The following ZNF385D variants were observed in gnomAD, a reference collection of about 807,000 sequenced individuals.
ZNF385D encodes zinc finger protein 385D.
A neutral mutation model predicts 35.8 loss-of-function variants in ZNF385D; 15 were observed. That is an observed-to-expected ratio of 0.42 (90% confidence interval 0.28 to 0.64). The LOEUF is 0.64. ZNF385D is among the 30% of genes least tolerant of loss of function. The probability of loss-of-function intolerance (pLI) is 0.23; values close to 1 mark genes in which losing one functional copy is unlikely to be tolerated. For synonymous variants in ZNF385D, 212 were observed against 186.8 expected (o/e 1.13, Z -1.10); for missense variants, 474 against 494.6 (o/e 0.96, Z 0.39).
At chr3:21,584,440 G>C (rs1575251243) in intron 2 of ZNF385D, among the ~76,000 whole-genome samples, 1 of 152,236 alleles carries the variant, frequency 6.6e-6, no homozygotes, top group South Asian at 2.1e-4. Flanking sequence ...CTGCTGGCTG[G>C]ATAATGTGAC....
intron 3 of ZNF385D, among the ~76,000 whole-genome samples, chr3:21,528,786 G>T (rs1437022062): frequency 6.6e-6 from 1 of 152,080 alleles, no homozygotes; most frequent in Non-Finnish European, 1.5e-5. Flanking sequence ...CTCTAATCCT[G>T]GAGAAACAGA....
chr3:21,605,011 A>T (rs1260598219), intron 2 of ZNF385D, among the ~76,000 whole-genome samples: 3 of 152,316 alleles, frequency 2.0e-5, no homozygotes, highest in Non-Finnish European at 2.9e-5. Context: ...CACTAGAGAG[A>T]GGCATGAGAA....
chr3:21,799,484 AT>A (rs912661708), intron 3 of ZNF385D, among the ~76,000 whole-genome samples: 1 of 152,122 alleles, frequency 6.6e-6, no homozygotes, highest in Non-Finnish European at 1.5e-5. Flanking sequence ...TTCCGTCTTC[AT>A]TTGTATTTAC....
rs551298027 is a variant in ZNF385D at position 22,319,172 on chromosome 3, A to G, written c.106+53278T>C. Among the ~76,000 whole-genome samples, 18 of 152,244 alleles carry G rather than the reference A, an allele frequency of 1.2e-4. No homozygotes were observed. In the South Asian group the frequency reaches 3.1e-3, roughly 26 times the overall value. Reference sequence around the variant, plus strand: ...GATAGATTTTAGAAGCACATGGGGGAAAAATGCCAATACTACTTTTCAACC... The same window carrying G: ...GATAGATTTTAGAAGCACATGGGGGGAAAATGCCAATACTACTTTTCAACC... On this transcript the variant is annotated intron_variant, in intron 2 of 5. Coordinates refer to the ZNF385D transcript ENST00000494108.
At chr3:21,698,679 GGATATGAAC>G (rs371606665) in intron 1 of ZNF385D, among the ~76,000 whole-genome samples, 93 of 152,040 alleles carry the variant, frequency 6.1e-4, no homozygotes, top group African/African-American at 2.1e-3. Flanking sequence ...AATGGGCAAA[GGATATGAAC>G]TGACACTTCT....
intron 2 of ZNF385D, among the ~76,000 whole-genome samples, chr3:22,363,028 G>A (rs1696487185): frequency 6.6e-6 from 1 of 152,022 alleles, no homozygotes; most frequent in Non-Finnish European, 1.5e-5. Context: ...ATTATCCAGG[G>A]AAGTCCAACT....
chr3:21,783,840 A>G (rs570846270), intron 3 of ZNF385D, among the ~76,000 whole-genome samples: 17 of 152,330 alleles, frequency 1.1e-4, no homozygotes, highest in African/African-American at 4.1e-4. Flanking sequence ...AGGAAACATT[A>G]AACAGCTCAC....
At chr3:21,867,100 G>C (rs1224123611) in intron 3 of ZNF385D, among the ~76,000 whole-genome samples, 1 of 152,046 alleles carries the variant, frequency 6.6e-6, no homozygotes, top group African/African-American at 2.4e-5. Context: ...TGAGGGCCTT[G>C]CTGCATCATT....
chr3:21,617,462 G>A (rs1420869053), intron 2 of ZNF385D, among the ~76,000 whole-genome samples: 1 of 152,182 alleles, frequency 6.6e-6, no homozygotes, highest in Admixed American at 6.5e-5. Context: ...GTTAGTGATA[G>A]CTAACATTAC....
intron 3 of ZNF385D, among the ~76,000 whole-genome samples, chr3:21,994,283 G>T (rs1352206624): frequency 6.6e-6 from 1 of 152,184 alleles, no homozygotes; most frequent in African/African-American, 2.4e-5. Flanking sequence ...ATGATACAGG[G>T]AAAGTGATAA....
chr3:21,623,048 C>T (rs1173466152), intron 2 of ZNF385D, among the ~76,000 whole-genome samples: 2 of 152,080 alleles, frequency 1.3e-5, no homozygotes, highest in Admixed American at 6.6e-5. Context: ...ATAACATGTT[C>T]GAGCACAGGG....
intron 2 of ZNF385D, among the ~76,000 whole-genome samples, chr3:22,231,961 T>C (rs1698919089): frequency 6.6e-6 from 1 of 152,120 alleles, no homozygotes; most frequent in Non-Finnish European, 1.5e-5. Flanking sequence ...AAGACGTGCC[T>C]CCTTCCCCTT....
intron 3 of ZNF385D, among the ~76,000 whole-genome samples, chr3:21,815,036 A>G (rs2073087019): frequency 6.6e-6 from 1 of 152,216 alleles, no homozygotes; most frequent in Admixed American, 6.5e-5. Context: ...AGCTCACTCA[A>G]AACTGCACAA....
At chr3:21,561,140 C>T (rs548001309) in intron 3 of ZNF385D, among the ~76,000 whole-genome samples, 45 of 152,246 alleles carry the variant, frequency 3.0e-4, no homozygotes, top group African/African-American at 7.7e-4. Flanking sequence ...AGCCCCTTTC[C>T]GGGGGAGTGA....
chr3:21,877,100 C>T (rs1218841478), intron 3 of ZNF385D, among the ~76,000 whole-genome samples: 1 of 152,098 alleles, frequency 6.6e-6, no homozygotes, highest in African/African-American at 2.4e-5. Flanking sequence ...GTTTATTCGC[C>T]TGCCCTAAGT....
intron 2 of ZNF385D, among the ~76,000 whole-genome samples, chr3:22,286,414 T>A (rs1702027455): frequency 6.6e-6 from 1 of 152,114 alleles, no homozygotes; most frequent in South Asian, 2.1e-4. Flanking sequence ...TCTGCTCTGA[T>A]CTTTCTAGTT....
intron 2 of ZNF385D, among the ~76,000 whole-genome samples, chr3:22,188,472 C>T (rs534638989): frequency 1.0e-3 from 154 of 150,138 alleles, no homozygotes; most frequent in Non-Finnish European, 1.8e-3. Flanking sequence ...TTTTTTGAGA[C>T]GGAGTCTTGC....
At chr3:21,508,883 A>G (rs544074032) in intron 4 of ZNF385D, among the ~76,000 whole-genome samples, 2 of 152,078 alleles carry the variant, frequency 1.3e-5, no homozygotes, top group Admixed American at 6.5e-5. Flanking sequence ...GGATTATTCT[A>G]GGTTGACGTA....
chr3:21,817,050 C>T (rs2073181709), intron 3 of ZNF385D, among the ~76,000 whole-genome samples: 1 of 152,174 alleles, frequency 6.6e-6, no homozygotes, highest in Non-Finnish European at 1.5e-5. Flanking sequence ...ACCATCTGAT[C>T]TTTGACAAAC....
Sources: gnomAD v4.1 joint callset for allele counts (sites outside exome capture counted in the v4.1 genomes callset) on GRCh38, gnomAD v4.1.1 for gene constraint, MANE v1.5 for transcripts, NCBI Gene and HGNC (gene_info 2026-07-23, HGNC 2026-07-21) for gene names.